The following CTNNA1 variants were observed in gnomAD, a reference collection of about 807,000 sequenced individuals.
CTNNA1 encodes the protein catenin alpha-1.
CTNNA1 carries 37 observed loss-of-function variants against 98.4 expected under a neutral mutation model. The observed-to-expected ratio is 0.38, with a 90% CI of 0.29 to 0.49. The LOEUF is 0.49. Among genes scored for constraint, CTNNA1 ranks in the 20% least tolerant of loss-of-function variants. The pLI is 0.95. For missense variants in CTNNA1, 761 were observed against 1,147.2 expected (o/e 0.66, Z 4.86); for synonymous variants, 404 against 413.2 (o/e 0.98, Z 0.27).
chr5:138,904,498 G>T, intron 10 of CTNNA1, 57 bp downstream of exon 10: 1 of 1,578,564 alleles, frequency 6.3e-7, no homozygotes, highest in South Asian at 1.1e-5. Context: ...GATTCAAGTG[G>T]AGATGAGGTT....
intron 11 of CTNNA1, among the ~76,000 whole-genome samples, chr5:138,919,999 GGAGCTTTGCTCTTGTT>G (rs1762581782): frequency 7.2e-6 from 1 of 139,338 alleles, no homozygotes; most frequent in East Asian, 2.0e-4. Flanking sequence ...TTTTTGAGAC[GGAGCTTTGCTCTTGTT>G]GCCTAGGCTG....
chr5:138,859,120 A>G (rs1482014482), intron 7 of CTNNA1, among the ~76,000 whole-genome samples: 1 of 152,204 alleles, frequency 6.6e-6, no homozygotes. Context: ...AATGGTATAC[A>G]TGTGTATTCT....
At chr5:138,798,991 T>A (rs893180666) in intron 3 of CTNNA1, among the ~76,000 whole-genome samples, 4 of 152,058 alleles carry the variant, frequency 2.6e-5, no homozygotes, top group Non-Finnish European at 5.9e-5. Flanking sequence ...TAATTTTTTT[T>A]ATTAAAAAAA....
chr5:138,895,513 G>A (rs1340046299), intron 9 of CTNNA1, among the ~76,000 whole-genome samples: 1 of 148,042 alleles, frequency 6.8e-6, no homozygotes, highest in South Asian at 2.2e-4. Flanking sequence ...TGGGGGGGGG[G>A]ATGGGAGTGG....
intron 1 of CTNNA1, among the ~76,000 whole-genome samples, chr5:138,760,875 A>AG (rs1385740788): frequency 6.6e-6 from 1 of 152,164 alleles, no homozygotes; most frequent in African/African-American, 2.4e-5. Context: ...TGAAGCTGAA[A>AG]GGGGGGTTTT....
At chr5:138,844,352 G>A (rs1044342503) in intron 7 of CTNNA1, among the ~76,000 whole-genome samples, 1 of 152,074 alleles carries the variant, frequency 6.6e-6, no homozygotes. Flanking sequence ...TTGTCTCTTA[G>A]CTGCTTGACT....
chr5:138,830,487 C>A (rs949034708), intron 7 of CTNNA1, among the ~76,000 whole-genome samples: 1 of 152,176 alleles, frequency 6.6e-6, no homozygotes, highest in African/African-American at 2.4e-5. Context: ...ATTCACGTAA[C>A]AGTGAACAGG....
chr5:138,814,008 C>T (rs952051402), intron 5 of CTNNA1, among the ~76,000 whole-genome samples: 2 of 152,094 alleles, frequency 1.3e-5, no homozygotes, highest in African/African-American at 4.8e-5. Context: ...AAAATCTATG[C>T]CATAGGGTTG....
intron 7 of CTNNA1, among the ~76,000 whole-genome samples, chr5:138,852,176 G>A (rs1763249510): frequency 6.6e-6 from 1 of 152,152 alleles, no homozygotes; most frequent in Non-Finnish European, 1.5e-5. Context: ...AATGGGCCTG[G>A]CGTTAACCCT....
chr5:138,795,228 G>A (rs1214547822), intron 3 of CTNNA1, among the ~76,000 whole-genome samples: 1 of 151,298 alleles, frequency 6.6e-6, no homozygotes, highest in Non-Finnish European at 1.5e-5. Flanking sequence ...TTGGGAGGCC[G>A]AGGTGGGTGG....
intron 5 of CTNNA1, among the ~76,000 whole-genome samples, chr5:138,823,695 C>T (rs1003097783): frequency 1.3e-5 from 2 of 152,084 alleles, no homozygotes; most frequent in African/African-American, 2.4e-5. Flanking sequence ...CGGTGGCTCA[C>T]GCCTGTAATC....
chr5:138,901,863 A>T (rs1216336037), intron 9 of CTNNA1, among the ~76,000 whole-genome samples: 4 of 152,144 alleles, frequency 2.6e-5, no homozygotes, highest in Admixed American at 6.5e-5. Flanking sequence ...CTAGTATGTG[A>T]GGTTAGCCTC....
intron 9 of CTNNA1, among the ~76,000 whole-genome samples, chr5:138,889,102 T>A (rs1754770533): frequency 6.6e-6 from 1 of 152,200 alleles, no homozygotes; most frequent in Non-Finnish European, 1.5e-5. Flanking sequence ...AACTTCCAGA[T>A]ACACACAGAT....
chr5:138,874,245 G>C lies in CTNNA1; in HGVS notation c.1063-11967G>C. 1.9e-6 allele frequency: 3 copies of C among 1,614,018 alleles called. No individual in the cohort carries two copies. The highest frequency in any genetic ancestry group is 2.5e-6 in the Non-Finnish European group (3 of 1,179,888). On this transcript the variant is annotated intron_variant, in intron 7 of 17. Coordinates refer to ENST00000302763, the MANE Select transcript of CTNNA1 (RefSeq NM_001903.5). This position sits in a 1 kb window ranked among gnomAD's most constrained non-coding sequence, Gnocchi z 4.1. ...AATTCCTTAAGTTTATATAGTCCTTGAAAAGCATCTTCTTTTACTGTTGAA... is the reference window on the plus strand; with the variant it reads ...AATTCCTTAAGTTTATATAGTCCTTCAAAAGCATCTTCTTTTACTGTTGAA...
chr5:138,803,783 T>C (rs1219294193), intron 3 of CTNNA1, among the ~76,000 whole-genome samples: 1 of 152,228 alleles, frequency 6.6e-6, no homozygotes, highest in African/African-American at 2.4e-5. Context: ...TCCTCCTTTC[T>C]GTCACTGCCC....
At chr5:138,825,889 C>G (rs1007475163) in intron 6 of CTNNA1, among the ~76,000 whole-genome samples, 2 of 152,048 alleles carry the variant, frequency 1.3e-5, no homozygotes, top group African/African-American at 4.8e-5. Flanking sequence ...TGTTGTTTTT[C>G]CCCCCTTCAA....
rs2150360275 is a variant in CTNNA1 at position 138,934,044 on chromosome 5, C to T, written c.2676C>T (p.Asn892=). The part of the protein sequence containing the change: ...IKRASQKKHV[N]PVQALSEFKA... Reference sequence around the variant, plus strand: ...GGGCATCTCAGAAGAAGCACGTGAACCCGGTGCAGGCCCTCAGCGAGTTCA... The same window carrying T: ...GGGCATCTCAGAAGAAGCACGTGAATCCGGTGCAGGCCCTCAGCGAGTTCA... The change falls in exon 18 of 18, where the codon AAC becomes AAT. Residue 892 remains asparagine, a synonymous_variant. Coordinates refer to ENST00000302763, the MANE Select transcript of CTNNA1 (RefSeq NM_001903.5). 1.2e-6 allele frequency: 2 copies of T among 1,613,786 alleles called. No individual in the cohort carries two copies. The highest frequency in any genetic ancestry group is 1.7e-6 in the Non-Finnish European group (2 of 1,179,948).
At chr5:138,918,897 GC>G (rs1199509645) in intron 11 of CTNNA1, among the ~76,000 whole-genome samples, 3 of 152,144 alleles carry the variant, frequency 2.0e-5, no homozygotes, top group Non-Finnish European at 4.4e-5. Context: ...CAGAAGCGGG[GC>G]TTAAGTACAT....
intron 9 of CTNNA1, among the ~76,000 whole-genome samples, chr5:138,890,903 A>G (rs764217791): frequency 6.6e-6 from 1 of 152,236 alleles, no homozygotes; most frequent in Non-Finnish European, 1.5e-5. Context: ...GACAAAGACC[A>G]GACCAGACAA....
Sources: gnomAD v4.1 joint callset for allele counts (sites outside exome capture counted in the v4.1 genomes callset) on GRCh38, gnomAD v4.1.1 for gene constraint, Gnocchi (gnomAD v3.1) non-coding constraint, MANE v1.5 for transcripts, NCBI Gene and HGNC (gene_info 2026-07-23, HGNC 2026-07-21) for gene names.